The following SHANK2 variants were observed in gnomAD, a reference collection of about 807,000 sequenced individuals.
SHANK2 encodes the protein SH3 and multiple ankyrin repeat domains 2, also known as SH3 and multiple ankyrin repeat domains protein 2.
In SHANK2, 43 loss-of-function variants were observed where a neutral mutation model predicts 133.7. The ratio of observed to expected loss-of-function variants is 0.32; its 90% CI spans 0.25 to 0.41. The LOEUF (loss-of-function observed/expected upper bound fraction) is 0.41, where lower values mean the gene tolerates loss of function less well. Among genes scored for constraint, SHANK2 ranks in the 10% least tolerant of loss-of-function variants. The probability of loss-of-function intolerance (pLI) is 1.00; values close to 1 mark genes in which losing one functional copy is unlikely to be tolerated. For missense variants in SHANK2, 1,994 were observed against 2,235.8 expected (o/e 0.89, Z 2.18); for synonymous variants, 1,017 against 952.8 (o/e 1.07, Z -1.24).
At chr11:70,949,932 C>T (rs1167071498) in intron 10 of SHANK2, among the ~76,000 whole-genome samples, 3 of 152,248 alleles carry the variant, frequency 2.0e-5, no homozygotes, top group Non-Finnish European at 4.4e-5. Context: ...CTATGGCTCA[C>T]AGCGCTGGTG....
At chr11:70,699,218 C>A (rs782258456) in intron 14 of SHANK2, among the ~76,000 whole-genome samples, 43 of 151,254 alleles carry the variant, frequency 2.8e-4, no homozygotes, top group Non-Finnish European at 5.3e-4. Context: ...CATTTATTGT[C>A]ATTTTCCTGA....
chr11:70,924,984 G>A (rs898243812), intron 10 of SHANK2, among the ~76,000 whole-genome samples: 10 of 152,240 alleles, frequency 6.6e-5, no homozygotes, highest in African/African-American at 2.4e-4. Context: ...TCACAGGGGG[G>A]CAGATTGAGC....
chr11:71,189,093 A>C (rs1041637864), intron 2 of SHANK2, among the ~76,000 whole-genome samples: 1 of 152,166 alleles, frequency 6.6e-6, no homozygotes, highest in Non-Finnish European at 1.5e-5. Context: ...TGAAATAGTC[A>C]CATCTGCCAT....
intron 21 of SHANK2, among the ~76,000 whole-genome samples, chr11:70,497,688 T>C (rs1457260112): frequency 6.6e-6 from 1 of 152,218 alleles, no homozygotes; most frequent in Non-Finnish European, 1.5e-5. Flanking sequence ...GTTCCCCTGA[T>C]AGGGGGCAGG....
intron 1 of SHANK2, among the ~76,000 whole-genome samples, chr11:71,232,849 G>A (rs1284226455): frequency 3.3e-5 from 5 of 152,064 alleles, no homozygotes; most frequent in African/African-American, 1.2e-4. Flanking sequence ...GACTGTGTGG[G>A]AGTTGGAACC....
At chr11:70,561,757 ACTC>A (rs1204900293) in intron 17 of SHANK2, among the ~76,000 whole-genome samples, 1 of 151,314 alleles carries the variant, frequency 6.6e-6, no homozygotes, top group Non-Finnish European at 1.5e-5. Flanking sequence ...CTGGTCTTGA[ACTC>A]CTTGCCTCAG....
chr11:71,231,709 C>T (rs1216221041), intron 1 of SHANK2, among the ~76,000 whole-genome samples: 9 of 152,002 alleles, frequency 5.9e-5, no homozygotes, highest in African/African-American at 1.9e-4. Flanking sequence ...GTCAAGGTAG[C>T]GAAATCCAGT....
At chr11:71,221,112 A>T (rs1954527616) in intron 2 of SHANK2, among the ~76,000 whole-genome samples, 1 of 151,858 alleles carries the variant, frequency 6.6e-6, no homozygotes, top group South Asian at 2.1e-4. Flanking sequence ...GAGGCAGGAG[A>T]ATCGCTTGAG....
intron 22 of SHANK2, among the ~76,000 whole-genome samples, chr11:70,491,600 A>G (rs1224203895): frequency 2.0e-5 from 3 of 152,278 alleles, no homozygotes; most frequent in East Asian, 1.9e-4. Flanking sequence ...GCAGTTTGAT[A>G]CTGGTTCAAA....
intron 14 of SHANK2, among the ~76,000 whole-genome samples, chr11:70,754,946 T>C (rs1007002984): frequency 1.3e-5 from 2 of 152,058 alleles, no homozygotes; most frequent in Non-Finnish European, 2.9e-5. Context: ...CCTAAGAAGA[T>C]ACTAATACAG....
intron 14 of SHANK2, among the ~76,000 whole-genome samples, chr11:70,795,590 CAGACAGG>C (rs1250762092): frequency 6.6e-5 from 10 of 151,874 alleles, no homozygotes; most frequent in Non-Finnish European, 1.0e-4. Flanking sequence ...ATTTTTAGTA[CAGACAGG>C]GTTTCACCAT....
At chr11:70,588,773 T>C (rs782122994) in intron 17 of SHANK2, among the ~76,000 whole-genome samples, 2 of 152,222 alleles carry the variant, frequency 1.3e-5, no homozygotes, top group Non-Finnish European at 2.9e-5. Flanking sequence ...GTTAACTTCA[T>C]TGATGAAGGT....
Position 70,951,299 on chromosome 11 carries a change from G to A in SHANK2, c.1108-54732C>T, listed in dbSNP as rs148080696. 5.0e-3 allele frequency among the ~76,000 whole-genome samples: 755 copies of A among 151,118 alleles called. 12 individuals carry two copies. Among genetic ancestry groups the A allele is most frequent in the African/African-American group, 0.018 (733 of 40,886 alleles). On this transcript the variant is annotated intron_variant, in intron 10 of 25. Coordinates refer to ENST00000601538, the MANE Select transcript of SHANK2 (RefSeq NM_012309.5). Reference sequence around the variant, plus strand: ...ATTCGTTTCCCCTGGTTGCTGTGCCGTGACATCATAAATTCATTTCCCCTG... The same window carrying A: ...ATTCGTTTCCCCTGGTTGCTGTGCCATGACATCATAAATTCATTTCCCCTG...
intron 17 of SHANK2, among the ~76,000 whole-genome samples, chr11:70,644,810 A>G (rs1320411081): frequency 1.3e-5 from 2 of 152,206 alleles, no homozygotes; most frequent in African/African-American, 4.8e-5. Flanking sequence ...ACAACAGCCC[A>G]TGCCTTTTGC....
At chr11:70,614,714 C>T (rs917368703) in intron 17 of SHANK2, among the ~76,000 whole-genome samples, 3 of 152,230 alleles carry the variant, frequency 2.0e-5, no homozygotes, top group Admixed American at 2.0e-4. Flanking sequence ...ACCAAATAGG[C>T]CTTGGGTCTG....
At chr11:71,169,768 A>G (rs1281899256) in intron 2 of SHANK2, among the ~76,000 whole-genome samples, 2 of 151,960 alleles carry the variant, frequency 1.3e-5, no homozygotes, top group African/African-American at 4.8e-5. Flanking sequence ...AAAAAAAAAA[A>G]AAAAAGAGAA....
intron 17 of SHANK2, among the ~76,000 whole-genome samples, chr11:70,654,818 A>G (rs2061385621): frequency 6.9e-6 from 1 of 145,424 alleles, no homozygotes; most frequent in Admixed American, 7.0e-5. Context: ...CCCAGGCTGG[A>G]GTGCAGTGGC....
At chr11:70,776,699 C>T (rs1349685568) in intron 14 of SHANK2, among the ~76,000 whole-genome samples, 10 of 151,810 alleles carry the variant, frequency 6.6e-5, no homozygotes, top group Admixed American at 1.3e-4. Flanking sequence ...CATCCTCCCA[C>T]CTACCCACCT....
chr11:71,131,251 G>A (rs1346213285), intron 3 of SHANK2, among the ~76,000 whole-genome samples: 1 of 152,138 alleles, frequency 6.6e-6, no homozygotes, highest in African/African-American at 2.4e-5. Flanking sequence ...TGCTCGTGGT[G>A]GCAAACACTA....
Sources: gnomAD v4.1 joint callset for allele counts (sites outside exome capture counted in the v4.1 genomes callset) on GRCh38, gnomAD v4.1.1 for gene constraint, MANE v1.5 for transcripts, NCBI Gene and HGNC (gene_info 2026-07-23, HGNC 2026-07-21) for gene names.